ABTB3: variants seen among roughly 807,000 people sequenced by gnomAD.
The protein encoded by ABTB3 is ankyrin repeat- and BTB/POZ domain-containing protein 3.
At chr12:107,529,350 GTGATGA>G in the ABTB3 span, among the ~76,000 whole-genome samples, 3 of 145,208 alleles carry the variant, frequency 2.1e-5, no homozygotes, top group Non-Finnish European at 4.6e-5. Flanking sequence ...GGAGATGATG[GTGATGA>G]TGATGGTGAT....
chr12:107,365,109 C>A, the ABTB3 span, among the ~76,000 whole-genome samples: 26 of 152,140 alleles, frequency 1.7e-4, no homozygotes, highest in African/African-American at 5.8e-4. Context: ...GAATGTATGG[C>A]CTTGACCAGG....
the ABTB3 span, among the ~76,000 whole-genome samples, chr12:107,453,979 C>T: frequency 6.6e-6 from 1 of 152,138 alleles, no homozygotes; most frequent in Non-Finnish European, 1.5e-5. Context: ...GGGTGGAAAT[C>T]CAGGAATGAG....
At chr12:107,397,302 G>A in the ABTB3 span, among the ~76,000 whole-genome samples, 1 of 152,100 alleles carries the variant, frequency 6.6e-6, no homozygotes, top group African/African-American at 2.4e-5. Flanking sequence ...TTCAGTTTTT[G>A]CCAAACAGAT....
the ABTB3 span, among the ~76,000 whole-genome samples, chr12:107,439,291 TAG>T: frequency 6.6e-6 from 1 of 152,320 alleles, no homozygotes; most frequent in African/African-American, 2.4e-5. Flanking sequence ...GTCTGAACTT[TAG>T]CTGTGGGTGT....
chr12:107,583,516 T>C, the ABTB3 span, among the ~76,000 whole-genome samples: 8 of 152,202 alleles, frequency 5.3e-5, no homozygotes, highest in African/African-American at 1.9e-4. Context: ...CAACCATGTG[T>C]CATTTTTCTG....
the ABTB3 span, among the ~76,000 whole-genome samples, chr12:107,424,086 T>C: frequency 8.5e-5 from 13 of 152,166 alleles, no homozygotes; most frequent in East Asian, 1.5e-3. Flanking sequence ...GCTAATGCCA[T>C]TACCTTGAGA....
the ABTB3 span, chr12:107,657,678 A>C: frequency 6.2e-7 from 1 of 1,614,226 alleles, no homozygotes; most frequent in Non-Finnish European, 8.5e-7. Context: ...ATCAGAATTC[A>C]GTCCATCCAC....
chr12:107,519,199 G>A, the ABTB3 span, among the ~76,000 whole-genome samples: 5 of 152,248 alleles, frequency 3.3e-5, no homozygotes, highest in East Asian at 9.6e-4. Flanking sequence ...GGCCGGTTCT[G>A]GATCTGCTCT....
the ABTB3 span, among the ~76,000 whole-genome samples, chr12:107,440,998 G>C: frequency 6.6e-6 from 1 of 152,186 alleles, no homozygotes; most frequent in African/African-American, 2.4e-5. Context: ...CAGAGTTGAG[G>C]TTAGGGTTCA....
At chr12:107,563,354 A>T in the ABTB3 span, among the ~76,000 whole-genome samples, 1 of 152,232 alleles carries the variant, frequency 6.6e-6, no homozygotes. Flanking sequence ...GAACCTACAA[A>T]GTACCAGCAC....
chr12:107,327,919 CT>C, the ABTB3 span, among the ~76,000 whole-genome samples: 1 of 152,188 alleles, frequency 6.6e-6, no homozygotes, highest in South Asian at 2.1e-4. Context: ...GCTCTGCCAT[CT>C]TGGACGCATA....
At chr12:107,502,200 G>A in the ABTB3 span, among the ~76,000 whole-genome samples, 1 of 151,966 alleles carries the variant, frequency 6.6e-6, no homozygotes, top group East Asian at 1.9e-4. Context: ...GAGCAGCTGG[G>A]ATTACAGGTG....
chr12:107,362,790 T>TAA, the ABTB3 span, among the ~76,000 whole-genome samples: 3 of 142,000 alleles, frequency 2.1e-5, no homozygotes, highest in African/African-American at 7.7e-5. Context: ...AAACCCTGTC[T>TAA]AAAAAAAAAA....
At chr12:107,583,053 G>C in the ABTB3 span, among the ~76,000 whole-genome samples, 2 of 152,198 alleles carry the variant, frequency 1.3e-5, no homozygotes, top group African/African-American at 4.8e-5. Flanking sequence ...CTCACCACCA[G>C]AGTTAATCAA....
chr12:107,389,005 C>T, the ABTB3 span, among the ~76,000 whole-genome samples: 3 of 151,924 alleles, frequency 2.0e-5, no homozygotes, highest in Admixed American at 6.5e-5. Flanking sequence ...TGGAGTGAAC[C>T]AACATTAAAA....
the ABTB3 span, among the ~76,000 whole-genome samples, chr12:107,386,846 T>C: frequency 1.3e-5 from 2 of 151,920 alleles, no homozygotes; most frequent in Admixed American, 1.3e-4. Context: ...CACAGTGGCC[T>C]GGGCTTTCCT....
At chr12:107,619,940 T>C in the ABTB3 span, 1 of 1,513,472 alleles carries the variant, frequency 6.6e-7, no homozygotes, top group Non-Finnish European at 8.8e-7. Flanking sequence ...TTCCCCTCTC[T>C]CTCCCCCTCC....
the ABTB3 span, among the ~76,000 whole-genome samples, chr12:107,336,948 G>T: frequency 6.6e-6 from 1 of 152,218 alleles, no homozygotes; most frequent in African/African-American, 2.4e-5. Context: ...TGGTTAACTG[G>T]CTGGGAGTCT....
the ABTB3 span, among the ~76,000 whole-genome samples, chr12:107,430,593 C>T: frequency 1.3e-5 from 2 of 152,330 alleles, no homozygotes; most frequent in East Asian, 1.9e-4. Flanking sequence ...GTCTATCCAT[C>T]CGTCCGTCCA....
Sources: gnomAD v4.1 joint callset for allele counts (sites outside exome capture counted in the v4.1 genomes callset) on GRCh38, gnomAD v4.1.1 for gene constraint, MANE v1.5 for transcripts, NCBI Gene and HGNC (gene_info 2026-07-23, HGNC 2026-07-21) for gene names.